SEC31B: variants seen among roughly 807,000 people sequenced by gnomAD.
The protein encoded by SEC31B is protein transport protein Sec31B.
In SEC31B, 113 loss-of-function variants were observed where a neutral mutation model predicts 135.0. That is an observed-to-expected ratio of 0.84 (90% CI 0.72 to 0.98). The LOEUF is 0.98. Ranked by LOEUF, SEC31B falls within the 50% of genes least tolerant of loss-of-function variation. The pLI is 0.00. For synonymous variants in SEC31B, 508 were observed against 549.4 expected, an observed-to-expected ratio of 0.92 and a Z score of 1.05; for missense variants, 1,296 against 1,421.1, an observed-to-expected ratio of 0.91 and a Z score of 1.42.
chr10:100,515,946 G>T, intron 3 of SEC31B, 150 bp downstream of exon 3: 5 of 915,888 alleles, frequency 5.5e-6, no homozygotes, highest in South Asian at 1.6e-5. Flanking sequence ...AAATCCTTTT[G>T]CAAAATAAGC....
rs1327865091 is a variant in SEC31B at position 100,506,032 on chromosome 10, C to T, written c.1044+8G>A. The T allele has an allele frequency of 6.2e-7, 1 of 1,613,402 alleles. No homozygotes were observed. The highest frequency in any genetic ancestry group is 1.7e-5 in the Admixed American group (1 of 60,020). On this transcript the variant is annotated splice_region_variant and intron_variant, in intron 9 of 25. Coordinates refer to ENST00000370345, the MANE Select transcript of SEC31B (RefSeq NM_015490.4). ...TCCCTCCAGCATTCTCTACCAAGCC[C>T]TTCAAACCTTGTCAGCCTGTCTCAT...
chr10:100,503,934 C>T (rs900678945), intron 10 of SEC31B, among the ~76,000 whole-genome samples: 1 of 152,112 alleles, frequency 6.6e-6, no homozygotes, highest in Non-Finnish European at 1.5e-5. Context: ...TGAACTCTCC[C>T]AGTCAGAATT....
At chr10:100,497,964 T>A (rs1045134690) in intron 15 of SEC31B, 65 bp downstream of exon 15, 19 of 1,593,378 alleles carry the variant, frequency 1.2e-5, no homozygotes, top group Non-Finnish European at 1.5e-5. Flanking sequence ...TCCCAAGGTG[T>A]GGGTATCCAC....
At position 100,507,983 on chromosome 10, in the gene SEC31B, G is replaced by A. The variant is rs762221775; in HGVS notation, c.564C>T (p.His188=). 24 of 1,614,234 alleles carry A rather than the reference G, an allele frequency of 1.5e-5. No homozygotes were observed. The South Asian group carries it at 2.5e-4, about 17-fold the overall frequency. Residue 188 remains histidine (H), a synonymous_variant, in exon 6 of 26, where the codon CAC becomes CAT. Coordinates refer to ENST00000370345, the MANE Select transcript of SEC31B (RefSeq NM_015490.4). ...RQAQHILSSA[H]PSGKAVVWDL... The stretch of plus-strand genomic sequence containing the variant: ...CCCACACAACTGCCTTGCCACTGGG[G>A]TGAGCAGAAGACAGAATGTGTTGGG...
chr10:100,488,554 G>A lies in SEC31B; in HGVS notation c.3288+304C>T, dbSNP rs1020397121. 5.3e-5 allele frequency among the ~76,000 whole-genome samples: 8 copies of A among 151,796 alleles called. No individual in the cohort carries two copies. The South Asian group carries it at 6.2e-4, about 12-fold the overall frequency. ...AAGGCCCAAGAAGGGTAAGTGACTT[G>A]CTCAAGCCGACACAGCCAGCAGGGG... On this transcript the variant is annotated intron_variant, in intron 24 of 25. Transcript: ENST00000370345.
At position 100,516,083 on chromosome 10, in the gene SEC31B, G is replaced by A; in HGVS notation, c.203+13C>T. Reference sequence around the variant, plus strand: ...TATCTACCCTGTATACCCATCAATAGATCAGACAATACCTGCTCAAGGCAG... The same window carrying A: ...TATCTACCCTGTATACCCATCAATAAATCAGACAATACCTGCTCAAGGCAG... On this transcript the variant is annotated intron_variant, in intron 3 of 25. Transcript: ENST00000370345. 1.2e-6 allele frequency: 2 copies of A among 1,613,966 alleles called. No individual in the cohort carries two copies. The highest frequency in any genetic ancestry group is 1.1e-5 in the South Asian group (1 of 91,074).
chr10:100,497,621 T>A, intron 16 of SEC31B, 46 bp downstream of exon 16: 1 of 1,613,862 alleles, frequency 6.2e-7, no homozygotes, highest in Non-Finnish European at 8.5e-7. Context: ...TTTGACTCCA[T>A]GCTGGAGTCA....
At chr10:100,514,137 A>T (rs1851783855) in intron 3 of SEC31B, among the ~76,000 whole-genome samples, 1 of 152,076 alleles carries the variant, frequency 6.6e-6, no homozygotes, top group African/African-American at 2.4e-5. Context: ...GTGAGCCAAG[A>T]TCGAGCCACC....
intron 7 of SEC31B, among the ~76,000 whole-genome samples, chr10:100,506,650 T>A (rs898472327): frequency 2.0e-5 from 3 of 152,340 alleles, no homozygotes. Flanking sequence ...CTGTGCACTA[T>A]GCAATGTACC....
intron 6 of SEC31B, among the ~76,000 whole-genome samples, 168 bp downstream of exon 6, chr10:100,507,740 T>C (rs1195560219): frequency 1.3e-5 from 2 of 152,366 alleles, no homozygotes; most frequent in East Asian, 1.9e-4. Flanking sequence ...AGATCAGCTC[T>C]GTTTAGCTTC....
chr10:100,505,880 C>A, intron 9 of SEC31B, 160 bp downstream of exon 9: 1 of 1,504,318 alleles, frequency 6.6e-7, no homozygotes, highest in East Asian at 2.3e-5. Flanking sequence ...AAACTAACAT[C>A]CTTTCAGGAA....
chr10:100,487,955 C>G lies in SEC31B; in HGVS notation c.3360+72G>C. ...CAGTGACACCTATGGGAAGAAAAGA[C>G]ACTGGGCTTCCTTTGGCCATGGTGA... On this transcript the variant is annotated intron_variant, in intron 25 of 25. Transcript: ENST00000370345. 1.9e-6 allele frequency: 3 copies of G among 1,551,934 alleles called. No individual in the cohort carries two copies. In the East Asian group the frequency reaches 6.7e-5, roughly 35 times the overall value.
intron 3 of SEC31B, 75 bp from the exon 4 acceptor site, chr10:100,509,586 G>T: frequency 4.8e-6 from 6 of 1,248,750 alleles, no homozygotes. Flanking sequence ...ATCTCTGTCA[G>T]CTTCTGCCAT....
chr10:100,498,028 C>G lies in SEC31B; in HGVS notation c.1863+1G>C. On this transcript the variant is annotated splice_donor_variant, in intron 15 of 25. Coordinates refer to ENST00000370345, the MANE Select transcript of SEC31B (RefSeq NM_015490.4). LOFTEE classifies it high-confidence loss of function. ...TCTTCTCCTGCATGATGGGCAGTTA[C>G]CGAGGAGATTTTGGTTTTCTTCTTG... is the stretch of plus-strand genomic sequence containing the variant. The G allele has an allele frequency of 1.2e-6, 2 of 1,614,070 alleles. No homozygotes were observed. The highest frequency in any genetic ancestry group is 1.1e-5 in the South Asian group (1 of 91,068).
chr10:100,518,331 ACTTTCGACATGACTGG>A (rs1323460324), intron 1 of SEC31B, among the ~76,000 whole-genome samples: 1 of 151,948 alleles, frequency 6.6e-6, no homozygotes, highest in Non-Finnish European at 1.5e-5. Flanking sequence ...TCTTCCCTTC[ACTTTCGACATGACTGG>A]CTCCTTATAT....
intron 9 of SEC31B, 193 bp from the exon 10 acceptor site, chr10:100,505,688 AGAC>A (rs3830973): frequency 0.21 from 304,361 of 1,416,904 alleles, 33,368 homozygotes; most frequent in South Asian, 0.23. Flanking sequence ...GCTCTTGGAA[AGAC>A]TACTACATTC....
At chr10:100,507,183 C>T (rs1205912867) in intron 7 of SEC31B, among the ~76,000 whole-genome samples, 1 of 152,198 alleles carries the variant, frequency 6.6e-6, no homozygotes, top group African/African-American at 2.4e-5. Flanking sequence ...TTTCTCATTA[C>T]CCCATTCCAT....
At chr10:100,513,535 T>C (rs1256821004) in intron 3 of SEC31B, among the ~76,000 whole-genome samples, 3 of 152,208 alleles carry the variant, frequency 2.0e-5, no homozygotes, top group East Asian at 3.9e-4. Context: ...GGTACCATCT[T>C]GTTGGCTCAC....
At chr10:100,508,706 C>T in intron 5 of SEC31B, 1 of 460,620 alleles carries the variant, frequency 2.2e-6, no homozygotes, top group African/African-American at 2.0e-5. Context: ...GAAAGCTCTA[C>T]TGTGATAAAC....
Sources: gnomAD v4.1 joint callset for allele counts (sites outside exome capture counted in the v4.1 genomes callset) on GRCh38, gnomAD v4.1.1 for gene constraint, MANE v1.5 for transcripts, NCBI Gene and HGNC (gene_info 2026-07-23, HGNC 2026-07-21) for gene names.